The following RLF variants were observed in gnomAD, a reference collection of about 807,000 sequenced individuals.
The protein encoded by RLF is RLF zinc finger.
Under a neutral mutation model 162.9 loss-of-function variants are expected in RLF, and 7 were observed. That is an observed-to-expected ratio of 0.04 (90% CI 0.02 to 0.08). The LOEUF (loss-of-function observed/expected upper bound fraction) is 0.08, where lower values mean the gene tolerates loss of function less well. Among genes scored for constraint, RLF ranks in the 10% least tolerant of loss-of-function variants. The pLI, the probability that RLF is intolerant of heterozygous loss-of-function variation, is 1.00. For synonymous variants in RLF, 782 were observed against 791.5 expected (o/e 0.99, Z 0.20); for missense variants, 1,664 against 2,244.7 (o/e 0.74, Z 5.23).
At chr1:40,174,579 T>TA (rs1174277121) in intron 1 of RLF, among the ~76,000 whole-genome samples, 1 of 152,214 alleles carries the variant, frequency 6.6e-6, no homozygotes, top group Admixed American at 6.5e-5. Context: ...CATCTCCAAA[T>TA]ATTTGTCTTG....
chr1:40,197,309 C>T (rs1349234842), intron 4 of RLF, among the ~76,000 whole-genome samples: 4 of 152,140 alleles, frequency 2.6e-5, no homozygotes, highest in South Asian at 2.1e-4. Flanking sequence ...CCTCAATAAA[C>T]GGCATCCCCT....
chr1:40,210,993 G>A (rs1031691428), intron 5 of RLF, among the ~76,000 whole-genome samples: 1 of 152,188 alleles, frequency 6.6e-6, no homozygotes, highest in African/African-American at 2.4e-5. Context: ...ACAACAGGGG[G>A]TTGGCACCCA....
intron 7 of RLF, among the ~76,000 whole-genome samples, chr1:40,232,005 C>G (rs147791511): frequency 7.9e-5 from 12 of 152,080 alleles, no homozygotes; most frequent in African/African-American, 2.9e-4. Flanking sequence ...CTCAGGAGTT[C>G]GAGACCAGCC....
At chr1:40,189,033 A>T in intron 1 of RLF, 22 bp from the exon 2 acceptor site, 1 of 1,449,672 alleles carries the variant, frequency 6.9e-7, no homozygotes, top group Non-Finnish European at 9.4e-7. Context: ...ATTTGTAAAT[A>T]ATTTTTAATT....
At chr1:40,195,449 TA>T (rs75503457) in intron 3 of RLF, among the ~76,000 whole-genome samples, 182 bp from the exon 4 acceptor site, 561 of 141,368 alleles carry the variant, frequency 4.0e-3, no homozygotes, top group Non-Finnish European at 4.2e-3. Flanking sequence ...ATTCTGTCTT[TA>T]AAAAAAAAAA....
chr1:40,198,059 A>C (rs1293841841), intron 4 of RLF, among the ~76,000 whole-genome samples: 1 of 152,020 alleles, frequency 6.6e-6, no homozygotes. Context: ...GCTGGAGTGC[A>C]ATGGTGTGAT....
Position 40,165,198 on chromosome 1 carries a change from A to G in RLF, c.237+3562A>G, listed in dbSNP as rs529262656. Among the ~76,000 whole-genome samples the G allele has an allele frequency of 1.2e-3, 178 of 152,276 alleles. 1 individual carries two copies. Among genetic ancestry groups the G allele is most frequent in the Middle Eastern group, 3.4e-3 (1 of 294 alleles). Reference sequence around the variant, plus strand: ...AAGTTTTCACAACCTTGGTCTCAGCATGCTTTTCAGCCCTCCCCTTGTCAG... The same window carrying G: ...AAGTTTTCACAACCTTGGTCTCAGCGTGCTTTTCAGCCCTCCCCTTGTCAG... On this transcript the variant is annotated intron_variant, in intron 1 of 7. Transcript: ENST00000372771.
At chr1:40,188,219 G>A (rs1173563565) in intron 1 of RLF, among the ~76,000 whole-genome samples, 4 of 152,180 alleles carry the variant, frequency 2.6e-5, no homozygotes, top group Non-Finnish European at 2.9e-5. Context: ...CATGAATTTG[G>A]CAGTGATTTT....
At chr1:40,219,670 A>G (rs538050774) in intron 5 of RLF, among the ~76,000 whole-genome samples, 2 of 152,282 alleles carry the variant, frequency 1.3e-5, no homozygotes, top group Non-Finnish European at 2.9e-5. Context: ...AGGTAATGAA[A>G]ATGTGTGTGT....
At chr1:40,180,124 A>G (rs1181347583) in intron 1 of RLF, among the ~76,000 whole-genome samples, 1 of 152,174 alleles carries the variant, frequency 6.6e-6, no homozygotes, top group Non-Finnish European at 1.5e-5. Flanking sequence ...GTTGGATCAT[A>G]TGGTATTTCT....
intron 2 of RLF, among the ~76,000 whole-genome samples, chr1:40,190,208 G>C (rs896277269): frequency 6.6e-6 from 1 of 152,074 alleles, no homozygotes; most frequent in African/African-American, 2.4e-5. Context: ...CATTATTCAA[G>C]TTGTAGTGCA....
chr1:40,182,433 T>TA lies in RLF; in HGVS notation c.238-6613dup, dbSNP rs1318611627. ...TGGTGACAGAGGGAGACTCCGTCTC[T>TA]AAAAAAAAAGAAAAGAAAAGTAAAG... On this transcript the variant is annotated intron_variant, in intron 1 of 7. Coordinates refer to ENST00000372771, the MANE Select transcript of RLF (RefSeq NM_012421.4). 1.5e-4 allele frequency among the ~76,000 whole-genome samples: 22 copies of TA among 150,462 alleles called. 1 individual carries two copies. The highest frequency in any genetic ancestry group is 3.9e-4 in the East Asian group (2 of 5,132).
intron 1 of RLF, among the ~76,000 whole-genome samples, chr1:40,172,162 A>T (rs945526991): frequency 3.3e-5 from 5 of 151,290 alleles, no homozygotes; most frequent in African/African-American, 9.9e-5. Context: ...AATTTTTTTT[A>T]AACTATAAAA....
chr1:40,210,356 A>AG (rs1230400902), intron 5 of RLF, among the ~76,000 whole-genome samples: 1 of 152,168 alleles, frequency 6.6e-6, no homozygotes, highest in African/African-American at 2.4e-5. Flanking sequence ...TGGAGCTTTA[A>AG]GTAATGGTGG....
intron 6 of RLF, among the ~76,000 whole-genome samples, chr1:40,227,891 T>C (rs1470948662): frequency 6.6e-6 from 1 of 151,978 alleles, no homozygotes; most frequent in Non-Finnish European, 1.5e-5. Flanking sequence ...TAATCACAGC[T>C]ACTAGGGAGG....
Position 40,239,810 on chromosome 1 carries a change from A to C in RLF, c.5108A>C (p.Asn1703Thr), listed in dbSNP as rs1643268464. The change falls in exon 8 of 8, where the codon AAT becomes ACT. Residue 1703 changes from asparagine to threonine, a missense_variant. Asn to Thr is a moderately conservative substitution (Grantham distance 65). Around this residue, in one of 15 missense-constraint regions of RLF, gnomAD observed 327 missense variants for 342.7 expected, o/e 0.95. Transcript: ENST00000372771. ...TGTAAAATAGAAAATTCCATACCTA[A>C]TCCCAATGGGACTGAAAGTGGGACT... is the stretch of plus-strand genomic sequence containing the variant. Reference protein sequence around the residue: ...PPCKIENSIPNPNGTESGTYF... With the variant: ...PPCKIENSIPTPNGTESGTYF... 2.5e-6 allele frequency: 4 copies of C among 1,614,084 alleles called. No individual in the cohort carries two copies. In the East Asian group the frequency reaches 8.9e-5, roughly 36 times the overall value.
rs535392324 is a variant in RLF at position 40,161,788 on chromosome 1, C to T, written c.237+152C>T. The T allele has an allele frequency of 1.8e-6, 2 of 1,122,412 alleles. No individual in the cohort carries two copies. The highest frequency in any genetic ancestry group is 2.5e-6 in the Non-Finnish European group (2 of 811,560). 69.5% of individuals were successfully genotyped at this position (1,122,412 alleles called of 1,614,324 possible). A position where few individuals can be genotyped will look rare whatever the true frequency, so the allele number is the denominator to read the frequency against. On this transcript the variant is annotated intron_variant, in intron 1 of 7. Coordinates refer to ENST00000372771, the MANE Select transcript of RLF (RefSeq NM_012421.4). This position sits in a 1 kb window ranked among gnomAD's most constrained non-coding sequence, Gnocchi z 4.4. Reference sequence around the variant, plus strand: ...GCCGGGAAGGCCCAGCTCGGAAGCTCGACCGCTGGCCCCCCTGCGCCACTG... The same window carrying T: ...GCCGGGAAGGCCCAGCTCGGAAGCTTGACCGCTGGCCCCCCTGCGCCACTG...
intron 7 of RLF, among the ~76,000 whole-genome samples, chr1:40,234,294 A>G (rs1389372434): frequency 1.3e-5 from 2 of 152,182 alleles, no homozygotes; most frequent in South Asian, 2.1e-4. Flanking sequence ...AGTTAGTGAC[A>G]TTGGGCAACT....
chr1:40,176,038 GTC>G (rs1476071909), intron 1 of RLF, among the ~76,000 whole-genome samples: 1 of 151,804 alleles, frequency 6.6e-6, no homozygotes, highest in Non-Finnish European at 1.5e-5. Flanking sequence ...CTTTTTTGGT[GTC>G]TCTGTATAAT....
Sources: gnomAD v4.1 joint callset for allele counts (sites outside exome capture counted in the v4.1 genomes callset) on GRCh38, gnomAD v4.1.1 for gene constraint, gnomAD v4.1.1 regional missense constraint, Gnocchi (gnomAD v3.1) non-coding constraint, MANE v1.5 for transcripts, NCBI Gene and HGNC (gene_info 2026-07-23, HGNC 2026-07-21) for gene names.